WWTR1: variants seen among roughly 807,000 people sequenced by gnomAD.
WWTR1 encodes WW domain containing transcription regulator 1, also known as WW domain-containing transcription regulator protein 1.
A neutral mutation model predicts 40.1 loss-of-function variants in WWTR1; 13 were observed. The ratio of observed to expected loss-of-function variants is 0.32; its 90% CI spans 0.21 to 0.52. The LOEUF is 0.52. Among genes scored for constraint, WWTR1 ranks in the 20% least tolerant of loss-of-function variants. WWTR1 has a pLI of 0.97. For synonymous variants in WWTR1, 230 were observed against 210.1 expected, an observed-to-expected ratio of 1.09 and a Z score of -0.82; for missense variants, 436 against 523.1, an observed-to-expected ratio of 0.83 and a Z score of 1.63.
intron 2 of WWTR1, among the ~76,000 whole-genome samples, chr3:149,653,567 C>T (rs1015327839): frequency 1.3e-5 from 2 of 152,226 alleles, no homozygotes; most frequent in Admixed American, 1.3e-4. Flanking sequence ...CACAGGAAAG[C>T]TGTGAATGCT....
intron 1 of WWTR1, among the ~76,000 whole-genome samples, chr3:149,679,645 G>GAA (rs62987560): frequency 3.9e-4 from 57 of 144,386 alleles, no homozygotes; most frequent in African/African-American, 1.4e-3. Context: ...GGAATGGTGG[G>GAA]AAAAAAAAAA....
At chr3:149,593,363 A>T (rs1738826516) in intron 2 of WWTR1, among the ~76,000 whole-genome samples, 1 of 151,436 alleles carries the variant, frequency 6.6e-6, no homozygotes, top group Non-Finnish European at 1.5e-5. Flanking sequence ...AATTGATTGT[A>T]CATGCCCTCG....
At chr3:149,583,808 G>A (rs1738276422) in intron 2 of WWTR1, among the ~76,000 whole-genome samples, 1 of 152,190 alleles carries the variant, frequency 6.6e-6, no homozygotes, top group Admixed American at 6.5e-5. Flanking sequence ...AGTCAAATGA[G>A]CAGGGAGAAG....
At chr3:149,684,102 T>TG (rs1392522112) in intron 1 of WWTR1, among the ~76,000 whole-genome samples, 2 of 152,282 alleles carry the variant, frequency 1.3e-5, no homozygotes, top group East Asian at 3.9e-4. Context: ...TTGAAAAATA[T>TG]GGGGGGTGTA....
In WWTR1 at chr3:149,520,903, C is replaced by T. The variant is rs765794546; in HGVS notation, c.1105G>A (p.Val369Ile). 24 of 1,613,366 alleles carry T rather than the reference C, an allele frequency of 1.5e-5. No individual in the cohort carries two copies. Among genetic ancestry groups the T allele is most frequent in the African/African-American group, 5.3e-5 (4 of 74,878 alleles). ...TCAGATTCCAAAGTTCCTAAGTCAA[C>T]GTTTGTTCCTGGAAGACAGTCAAGG... ...DFLDCLPGTN[V>I]DLGTLESEDL... The change falls in exon 7 of 7, where the codon GTT becomes ATT. Residue 369 changes from valine to isoleucine, a missense_variant. Coordinates refer to ENST00000360632, the MANE Select transcript of WWTR1 (RefSeq NM_015472.6).
In WWTR1 at chr3:149,657,318, A is replaced by T. The variant is rs769391109; in HGVS notation, c.-3-9T>A. ...GAGGCCGGATTCATCTTCTGCAAAA[A>T]GAAGGTCAGATCAGCCTTTTATTTA... On this transcript the variant is annotated splice_polypyrimidine_tract_variant and intron_variant, in intron 1 of 6. Coordinates refer to ENST00000360632, the MANE Select transcript of WWTR1 (RefSeq NM_015472.6). 1.2e-6 allele frequency: 2 copies of T among 1,603,492 alleles called. No individual in the cohort carries two copies.
chr3:149,702,190 A>G (rs1383248489), intron 1 of WWTR1: 2 of 154,700 alleles, frequency 1.3e-5, no homozygotes, highest in Non-Finnish European at 2.9e-5. Context: ...GTCATCAGTC[A>G]TATTTGTATT....
intron 3 of WWTR1, among the ~76,000 whole-genome samples, chr3:149,546,973 C>A (rs960073919): frequency 6.6e-6 from 1 of 152,112 alleles, no homozygotes; most frequent in Non-Finnish European, 1.5e-5. Context: ...TGCCACTATG[C>A]TCCCTCTAGT....
chr3:149,709,939 T>C (rs1044837255), intron 5 of WWTR1, among the ~76,000 whole-genome samples: 7 of 152,122 alleles, frequency 4.6e-5, no homozygotes, highest in African/African-American at 1.7e-4. Context: ...CTAAGGACAG[T>C]TGGGCCTTCA....
chr3:149,581,799 T>C (rs1275919445), intron 2 of WWTR1, among the ~76,000 whole-genome samples: 1 of 152,204 alleles, frequency 6.6e-6, no homozygotes, highest in Non-Finnish European at 1.5e-5. Context: ...GGTCTCCTAG[T>C]GCCTCTGCCC....
Position 149,648,445 on chromosome 3 carries a change from A to G in WWTR1, c.431+8431T>C, listed in dbSNP as rs551659205. ...AGGAAAACCAAAACTAAACAAAACA[A>G]AAAAAAAACAGTAATATGAGAGTGG... On this transcript the variant is annotated intron_variant, in intron 2 of 6. Transcript: ENST00000360632. Among the ~76,000 whole-genome samples, 16 of 151,566 alleles carry G rather than the reference A, an allele frequency of 1.1e-4. No homozygotes were observed. In the South Asian group the frequency reaches 3.1e-3, roughly 30 times the overall value.
At chr3:149,540,946 T>G in intron 4 of WWTR1, 1 of 446,356 alleles carries the variant, frequency 2.2e-6, no homozygotes, top group Admixed American at 2.5e-5. Context: ...AGAAATACAT[T>G]ATTCATTCAT....
intron 3 of WWTR1, among the ~76,000 whole-genome samples, chr3:149,545,811 G>A (rs888969487): frequency 7.9e-5 from 12 of 152,136 alleles, no homozygotes; most frequent in Non-Finnish European, 1.3e-4. Flanking sequence ...ATGAGCCACC[G>A]CGCCCAGCCC....
Position 149,542,523 on chromosome 3 carries a change from G to A in WWTR1, c.583C>T (p.His195Tyr), listed in dbSNP as rs1736161142. 1 of 1,612,310 alleles carries A rather than the reference G, an allele frequency of 6.2e-7. No homozygotes were observed. The highest frequency in any genetic ancestry group is 8.5e-7 in the Non-Finnish European group (1 of 1,179,070). ...GTACTGGGGGCCATCTGCTGCTGGT[G>A]TTGGTGATTCATCACTGCAAGAGGG... ...SQPNLVMNHQHQQQMAPSTLS... is the reference protein window; with the variant it reads ...SQPNLVMNHQYQQQMAPSTLS... Residue 195 changes from histidine to tyrosine, a missense_variant, in exon 4 of 7, where the codon CAC becomes TAC. Transcript: ENST00000360632.
intron 1 of WWTR1, among the ~76,000 whole-genome samples, chr3:149,681,456 C>G (rs181085013): frequency 6.6e-6 from 1 of 152,048 alleles, no homozygotes; most frequent in African/African-American, 2.4e-5. Context: ...TTTAATATAC[C>G]TATTGGCCAT....
In WWTR1 at chr3:149,530,581, A is replaced by G. The variant is rs371633707; in HGVS notation, c.772-2612T>C. Among the ~76,000 whole-genome samples, 82 of 151,886 alleles carry G rather than the reference A, an allele frequency of 5.4e-4. 1 individual carries two copies. The South Asian group carries it at 0.016, about 30-fold the overall frequency. ...ATTTAAATTACTCCTAGCTATTTCC[A>G]GTAAATAAAACATAAAATAATGCTT... is the stretch of plus-strand genomic sequence containing the variant. On this transcript the variant is annotated intron_variant, in intron 4 of 6. Coordinates refer to ENST00000360632, the MANE Select transcript of WWTR1 (RefSeq NM_015472.6).
upstream of WWTR1, chr3:149,658,439 A>G (rs1472206828): frequency 6.6e-6 from 1 of 152,252 alleles, no homozygotes; most frequent in Non-Finnish European, 1.5e-5. Flanking sequence ...GGTCCTGGAC[A>G]CCGCGCCCTC....
chr3:149,655,121 A>C (rs1334425952), intron 2 of WWTR1, among the ~76,000 whole-genome samples: 2 of 142,082 alleles, frequency 1.4e-5, no homozygotes, highest in Non-Finnish European at 3.1e-5. Flanking sequence ...GCGAGACTCC[A>C]TCTAAAAAAG....
intron 2 of WWTR1, among the ~76,000 whole-genome samples, chr3:149,600,843 A>C (rs982187415): frequency 6.6e-6 from 1 of 152,338 alleles, no homozygotes; most frequent in Non-Finnish European, 1.5e-5. Flanking sequence ...CCACCATGCC[A>C]TAAGGAAGCT....
Sources: allele counts gnomAD v4.1 joint callset (sites outside exome capture counted in the v4.1 genomes callset), GRCh38; gene constraint gnomAD v4.1.1; transcripts MANE v1.5; gene names NCBI Gene and HGNC (gene_info 2026-07-23, HGNC 2026-07-21).